Variants in GET1 observed in about 807,000 individuals in gnomAD.
The protein encoded by GET1 is congenital heart disease 5 protein.
Under a neutral mutation model 22.6 loss-of-function variants are expected in GET1, and 20 were observed. The ratio of observed to expected loss-of-function variants is 0.89; its 90% CI spans 0.62 to 1.29. The LOEUF is 1.29. Ranked by LOEUF, GET1 falls within the 50% of genes most tolerant of loss-of-function variation. GET1 has a pLI of 0.00. For synonymous variants in GET1, 92 were observed against 83.8 expected (o/e 1.10, Z -0.53); for missense variants, 209 against 219.9 (o/e 0.95, Z 0.31).
At chr21:39,425,495 T>G (rs190294122) in intron 1 of GET1, among the ~76,000 whole-genome samples, 1 of 152,328 alleles carries the variant, frequency 6.6e-6, no homozygotes, top group African/African-American at 2.4e-5. Flanking sequence ...GGCTGAATAT[T>G]AAGTATTTTA....
At chr21:39,424,222 A>G (rs2074254544) in intron 1 of GET1, among the ~76,000 whole-genome samples, 1 of 152,156 alleles carries the variant, frequency 6.6e-6, no homozygotes, top group Non-Finnish European at 1.5e-5. Flanking sequence ...CATGTTGGCC[A>G]GGCTGGTCTC....
intron 1 of GET1, among the ~76,000 whole-genome samples, chr21:39,388,346 C>T (rs906555040): frequency 6.6e-6 from 1 of 152,168 alleles, no homozygotes; most frequent in Non-Finnish European, 1.5e-5. Context: ...AAGTACGTTA[C>T]CACGATCTGA....
At chr21:39,396,514 C>T (rs1429522397) in intron 4 of GET1, among the ~76,000 whole-genome samples, 9 of 150,958 alleles carry the variant, frequency 6.0e-5, no homozygotes, top group Non-Finnish European at 1.0e-4. Flanking sequence ...GGTGACAGAG[C>T]GAGACTCTGT....
intron 1 of GET1, chr21:39,420,754 A>G (rs374211270): frequency 5.6e-6 from 9 of 1,613,594 alleles, no homozygotes; most frequent in Non-Finnish European, 7.6e-6. Flanking sequence ...GAGTCTTGGT[A>G]GCTGTCTGAG....
chr21:39,421,219 C>T (rs988499025), intron 1 of GET1, among the ~76,000 whole-genome samples: 1 of 151,850 alleles, frequency 6.6e-6, no homozygotes, highest in Non-Finnish European at 1.5e-5. Flanking sequence ...TCTCCTGCCT[C>T]AGCCCCTGGG....
intron 1 of GET1, among the ~76,000 whole-genome samples, chr21:39,418,235 C>A (rs1486094499): frequency 6.6e-6 from 1 of 152,180 alleles, no homozygotes; most frequent in African/African-American, 2.4e-5. Context: ...GGTGGGGACA[C>A]AGCCAAACCA....
At chr21:39,383,087 A>G (rs954375575) in intron 1 of GET1, among the ~76,000 whole-genome samples, 41 of 151,230 alleles carry the variant, frequency 2.7e-4, no homozygotes, top group South Asian at 6.3e-4. Context: ...AGTAGCTGGG[A>G]CTACAGGTGC....
At chr21:39,393,682 C>T (rs1385763486) in intron 4 of GET1, among the ~76,000 whole-genome samples, 2 of 152,156 alleles carry the variant, frequency 1.3e-5, no homozygotes, top group Non-Finnish European at 2.9e-5. Context: ...GAGTCTCACT[C>T]CGTCACCCAG....
At chr21:39,392,291 G>C (rs2038352483) in intron 3 of GET1, among the ~76,000 whole-genome samples, 1 of 152,138 alleles carries the variant, frequency 6.6e-6, no homozygotes, top group Non-Finnish European at 1.5e-5. Flanking sequence ...CCTGCCTGGG[G>C]CTTAACCCTC....
chr21:39,389,993 G>T (rs1170821869), intron 1 of GET1, among the ~76,000 whole-genome samples: 2 of 151,740 alleles, frequency 1.3e-5, no homozygotes, highest in Admixed American at 1.3e-4. Flanking sequence ...AAATTCATGG[G>T]CATATCTGTA....
Position 39,396,732 on chromosome 21 carries a change from C to T in GET1, c.452-134C>T, listed in dbSNP as rs2038680925. The T allele has an allele frequency of 5.3e-6, 3 of 567,856 alleles. No individual in the cohort carries two copies. The South Asian group carries it at 8.6e-5, about 16-fold the overall frequency. 35.2% of individuals were successfully genotyped at this position (567,856 alleles called of 1,614,324 possible). On this transcript the variant is annotated intron_variant, in intron 4 of 4. Coordinates refer to ENST00000649170, the MANE Select transcript of GET1 (RefSeq NM_004627.6). ...AAGTGACAAATTTGAACCTATGAAA[C>T]ATAAACTTCACTTCAGCCCAGCACT...
intron 1 of GET1, chr21:39,422,715 T>G (rs966425026): frequency 1.7e-5 from 9 of 528,576 alleles, no homozygotes; most frequent in Non-Finnish European, 3.0e-5. Flanking sequence ...GAATGGTCAT[T>G]TCCAGATAAA....
At chr21:39,381,484 A>G (rs1023833412) in intron 1 of GET1, among the ~76,000 whole-genome samples, 15 of 152,014 alleles carry the variant, frequency 9.9e-5, no homozygotes, top group Admixed American at 6.6e-5. Context: ...TACTCTCTCA[A>G]TTGTCCTACT....
chr21:39,415,126 T>G (rs2040906696), intron 1 of GET1, among the ~76,000 whole-genome samples: 2 of 152,206 alleles, frequency 1.3e-5, no homozygotes, highest in South Asian at 4.1e-4. Context: ...GGTCTTGACT[T>G]CTTGGGCTCA....
At chr21:39,411,301 C>G (rs185614472), downstream of GET1, among the ~76,000 whole-genome samples, 3 of 152,186 alleles carry the variant, frequency 2.0e-5, no homozygotes, top group East Asian at 5.8e-4. Context: ...GTGGCTCCAT[C>G]GGTATAAACA....
downstream of GET1, among the ~76,000 whole-genome samples, chr21:39,408,373 A>G: frequency 6.6e-6 from 1 of 152,228 alleles, no homozygotes; most frequent in East Asian, 1.9e-4. Flanking sequence ...TTACCAAGAA[A>G]GAGGAGGACT....
At chr21:39,389,434 C>G (rs2038151372) in intron 1 of GET1, among the ~76,000 whole-genome samples, 1 of 152,172 alleles carries the variant, frequency 6.6e-6, no homozygotes, top group South Asian at 2.1e-4. Flanking sequence ...GCCGAGCCAC[C>G]ATGCCAGGCT....
At chr21:39,380,550 G>A in intron 1 of GET1, 64 bp downstream of exon 1, 4 of 1,563,898 alleles carry the variant, frequency 2.6e-6, no homozygotes, top group Non-Finnish European at 3.5e-6. Context: ...CGGCGGGTCT[G>A]GCGTAGGTAC....
intron 4 of GET1, among the ~76,000 whole-genome samples, chr21:39,403,660 C>T (rs1001681458): frequency 1.4e-5 from 2 of 146,760 alleles, no homozygotes; most frequent in Admixed American, 6.8e-5. Flanking sequence ...CTCACTCTGT[C>T]GCCCAGGCTA....
Sources: allele counts gnomAD v4.1 joint callset (sites outside exome capture counted in the v4.1 genomes callset), GRCh38; gene constraint gnomAD v4.1.1; transcripts MANE v1.5; gene names NCBI Gene and HGNC (gene_info 2026-07-23, HGNC 2026-07-21).